TMEM39A: variants seen among roughly 807,000 people sequenced by gnomAD.
TMEM39A encodes transmembrane protein 39A.
In TMEM39A, 19 loss-of-function variants were observed where a neutral mutation model predicts 51.9. That is an observed-to-expected ratio of 0.37 (90% CI 0.26 to 0.54). The LOEUF (loss-of-function observed/expected upper bound fraction) is 0.54. Ranked by LOEUF, TMEM39A falls within the 20% of genes least tolerant of loss-of-function variation. The pLI, the probability that TMEM39A is intolerant of heterozygous loss-of-function variation, is 0.88. For synonymous variants in TMEM39A, 197 were observed against 220.2 expected (o/e 0.89, Z 0.93); for missense variants, 433 against 590.5 (o/e 0.73, Z 2.76).
Position 119,463,339 on chromosome 3 carries a change from T to C in TMEM39A, c.-78A>G, listed in dbSNP as rs1468279502. 2.7e-6 allele frequency: 1 copy of C among 366,930 alleles called. No individual in the cohort carries two copies. Among genetic ancestry groups the C allele is most frequent in the African/African-American group, 2.1e-5 (1 of 47,844 alleles). The allele number at this position is 366,930 out of a possible 1,614,324, so 22.7% of individuals were successfully genotyped here. A position where few individuals can be genotyped will look rare whatever the true frequency, so the allele number is the denominator to read the frequency against. On this transcript the variant is annotated 5_prime_UTR_variant, in exon 1 of 9. An upstream start codon of the reference 5' UTR is lost. Coordinates refer to ENST00000319172, the MANE Select transcript of TMEM39A (RefSeq NM_018266.3). ...GGGGCAGCTCAGTAATACTCACGCATGGAAGAGTCCCAGCCGGTGGGGCGG... is the reference window on the plus strand; with the variant it reads ...GGGGCAGCTCAGTAATACTCACGCACGGAAGAGTCCCAGCCGGTGGGGCGG...
rs2080909447 is a variant in TMEM39A, at chr3:119,432,136, A to C, written c.1312T>G (p.Ser438Ala). Reference sequence around the variant, plus strand: ...TTCCACTTCTCCGACCGCAGCAAGGAATAGAGCTGATAGAAGACGACACTG... The same window carrying C: ...TTCCACTTCTCCGACCGCAGCAAGGCATAGAGCTGATAGAAGACGACACTG... ...EGSVVFYQLY[S>A]LLRSEKWNHT... is the part of the protein sequence containing the mutation. Residue 438 changes from serine to alanine, a missense_variant, in exon 9 of 9, where the codon TCC becomes GCC. Around this residue, in one of 3 missense-constraint regions of TMEM39A, gnomAD observed 223 missense variants for 328.1 expected, o/e 0.68. Coordinates refer to ENST00000319172, the MANE Select transcript of TMEM39A (RefSeq NM_018266.3). 6.2e-7 allele frequency: 1 copy of C among 1,613,242 alleles called. No individual in the cohort carries two copies. The highest frequency in any genetic ancestry group is 1.1e-5 in the South Asian group (1 of 91,066).
chr3:119,434,709 C>T, intron 8 of TMEM39A, 53 bp downstream of exon 8: 2 of 1,601,642 alleles, frequency 1.2e-6, no homozygotes, highest in Non-Finnish European at 1.7e-6. Context: ...ATAGAGTGGC[C>T]TCCTAACACT....
chr3:119,432,948 C>T (rs2080920418), intron 8 of TMEM39A, among the ~76,000 whole-genome samples: 2 of 152,004 alleles, frequency 1.3e-5, no homozygotes, highest in Admixed American at 1.3e-4. Flanking sequence ...ATATTTACTC[C>T]CACTAAATTC....
chr3:119,447,465 C>T (rs1384632959), intron 4 of TMEM39A, among the ~76,000 whole-genome samples: 3 of 152,038 alleles, frequency 2.0e-5, no homozygotes, highest in Admixed American at 6.6e-5. Context: ...GTATGTTCCA[C>T]GGATCACATT....
chr3:119,452,984 G>A (rs1469380755), intron 3 of TMEM39A, among the ~76,000 whole-genome samples: 2 of 152,030 alleles, frequency 1.3e-5, no homozygotes, highest in African/African-American at 4.8e-5. Context: ...TCTACTAGAT[G>A]GTACATCAAT....
At chr3:119,436,722 A>G in intron 7 of TMEM39A, 69 bp downstream of exon 7, 1 of 1,478,160 alleles carries the variant, frequency 6.8e-7, no homozygotes, top group South Asian at 1.3e-5. Context: ...AGAATGACAT[A>G]CAAAGCAAAT....
chr3:119,435,693 A>C (rs62263403), intron 7 of TMEM39A: 1 of 973,194 alleles, frequency 1.0e-6, no homozygotes, highest in Non-Finnish European at 1.2e-6. Flanking sequence ...AAAAAAAAAA[A>C]TTCTAGCACC....
chr3:119,452,990 T>C (rs1001566953), intron 3 of TMEM39A, among the ~76,000 whole-genome samples: 2 of 152,226 alleles, frequency 1.3e-5, no homozygotes, highest in African/African-American at 2.4e-5. Context: ...AGATGGTACA[T>C]CAATTATACT....
chr3:119,432,446 C>T (rs1029236476), intron 8 of TMEM39A, among the ~76,000 whole-genome samples: 20 of 151,886 alleles, frequency 1.3e-4, no homozygotes, highest in Middle Eastern at 6.8e-3. Flanking sequence ...CCCTGAGACA[C>T]GAAAAGAGAT....
At chr3:119,451,830 C>CAAAAAAAAAAAAAA (rs10653676) in intron 4 of TMEM39A, among the ~76,000 whole-genome samples, 3 of 54,298 alleles carry the variant, frequency 5.5e-5, no homozygotes, top group African/African-American at 8.2e-5. Flanking sequence ...AACTCCGTCT[C>CAAAAAAAAAAAAAA]AAAAAAAAAA....
chr3:119,440,053 C>T (rs1370647779), intron 5 of TMEM39A, among the ~76,000 whole-genome samples: 1 of 152,118 alleles, frequency 6.6e-6, no homozygotes, highest in Non-Finnish European at 1.5e-5. Flanking sequence ...CAGGTGTAAG[C>T]CACCGCACCC....
chr3:119,451,175 C>T (rs1462377746), intron 4 of TMEM39A: 9 of 1,087,974 alleles, frequency 8.3e-6, no homozygotes, highest in South Asian at 1.7e-5. Context: ...TATAAACAGA[C>T]GTTCCTACTG....
intron 5 of TMEM39A, among the ~76,000 whole-genome samples, chr3:119,440,934 T>C (rs971258261): frequency 6.6e-6 from 1 of 152,194 alleles, no homozygotes; most frequent in Non-Finnish European, 1.5e-5. Context: ...ATTTTGGTAA[T>C]TCTCCCAATA....
chr3:119,455,779 T>A (rs1347426154), intron 3 of TMEM39A, among the ~76,000 whole-genome samples: 1 of 152,166 alleles, frequency 6.6e-6, no homozygotes, highest in East Asian at 1.9e-4. Context: ...AACTCTTCGA[T>A]GAGACTGAAA....
chr3:119,443,332 A>G, intron 5 of TMEM39A, among the ~76,000 whole-genome samples: 1 of 152,210 alleles, frequency 6.6e-6, no homozygotes, highest in East Asian at 1.9e-4. Flanking sequence ...AATATTATCT[A>G]TCAAACACAT....
intron 1 of TMEM39A, among the ~76,000 whole-genome samples, chr3:119,462,936 C>A (rs562075183): frequency 1.3e-5 from 2 of 149,656 alleles, no homozygotes; most frequent in African/African-American, 4.9e-5. Context: ...CGGCAAAAAT[C>A]ATGATTCTGT....
In TMEM39A at chr3:119,429,867, C is replaced by T. The variant is rs1352714177; in HGVS notation, c.*2114G>A. ...CTATTCCCTTAGGATAGGACCAAGA[C>T]AGATCAAGCCAGAAGGGGCATCATA... On this transcript the variant is annotated 3_prime_UTR_variant, in exon 9 of 9. Transcript: ENST00000319172. The T allele has an allele frequency of 6.6e-6, 1 of 152,122 alleles. No individual in the cohort carries two copies. The highest frequency in any genetic ancestry group is 3.2e-3 in the Middle Eastern group (1 of 316). 9.4% of individuals were successfully genotyped at this position (152,122 alleles called of 1,614,324 possible).
intron 4 of TMEM39A, 68 bp from the exon 5 acceptor site, chr3:119,447,240 G>GT: frequency 6.5e-7 from 1 of 1,534,384 alleles, no homozygotes; most frequent in Non-Finnish European, 8.9e-7. Flanking sequence ...TGTAATTCAA[G>GT]TAAGAACTTA....
intron 4 of TMEM39A, among the ~76,000 whole-genome samples, chr3:119,451,609 T>C (rs895566616): frequency 6.6e-6 from 1 of 151,990 alleles, no homozygotes; most frequent in African/African-American, 2.4e-5. Flanking sequence ...GGCAGGTGGA[T>C]CACCTGAGGT....
Sources: allele counts gnomAD v4.1 joint callset (sites outside exome capture counted in the v4.1 genomes callset), GRCh38; gene constraint gnomAD v4.1.1; regional missense constraint gnomAD v4.1.1; transcripts MANE v1.5; gene names NCBI Gene and HGNC (gene_info 2026-07-23, HGNC 2026-07-21).